Variants in ZBTB7C observed in about 807,000 individuals in gnomAD.
ZBTB7C encodes zinc finger and BTB domain-containing protein 7C.
Under a neutral mutation model 25.7 loss-of-function variants are expected in ZBTB7C, and 8 were observed. The observed-to-expected ratio is 0.31, with a 90% CI of 0.18 to 0.56. ZBTB7C has a LOEUF of 0.56. Among genes scored for constraint, ZBTB7C ranks in the 20% least tolerant of loss-of-function variants. The pLI, the probability that ZBTB7C is intolerant of heterozygous loss-of-function variation, is 0.91. For synonymous variants in ZBTB7C, 394 were observed against 369.0 expected (o/e 1.07, Z -0.78); for missense variants, 824 against 855.2 (o/e 0.96, Z 0.46).
At position 48,278,980 on chromosome 18, in the gene ZBTB7C, G is replaced by A. The variant is rs73433392; in HGVS notation, c.-79+59194C>T. ...TTTAATTCATCAATTGGAGAATCTT[G>A]CTGGAGACAGTGAAAATTAATTTGA... is the stretch of plus-strand genomic sequence containing the variant. On this transcript the variant is annotated intron_variant, in intron 2 of 4. Coordinates refer to ENST00000590800, the MANE Select transcript of ZBTB7C (RefSeq NM_001318841.2). Among the ~76,000 whole-genome samples the A allele has an allele frequency of 2.8e-3, 412 of 149,566 alleles. 2 individuals carry two copies. Among genetic ancestry groups the A allele is most frequent in the African/African-American group, 1.0e-2 (403 of 40,478 alleles).
At chr18:48,207,136 G>A (rs1422861223) in intron 2 of ZBTB7C, among the ~76,000 whole-genome samples, 1 of 152,258 alleles carries the variant, frequency 6.6e-6, no homozygotes, top group Non-Finnish European at 1.5e-5. Context: ...TAGCACTGAA[G>A]CAACCAGAAT....
intron 2 of ZBTB7C, among the ~76,000 whole-genome samples, chr18:48,187,657 C>T (rs2042090144): frequency 6.6e-6 from 1 of 151,916 alleles, no homozygotes; most frequent in African/African-American, 2.4e-5. Context: ...ACTAAAAATA[C>T]ACACACACAA....
intron 3 of ZBTB7C, among the ~76,000 whole-genome samples, chr18:48,048,746 C>G (rs55723861): frequency 0.089 from 13,475 of 152,160 alleles, 2,037 homozygotes; most frequent in African/African-American, 0.31. Flanking sequence ...TTGCAGAGAT[C>G]TACGCTATTG....
At chr18:48,399,449 C>T (rs2048108539) in intron 1 of ZBTB7C, among the ~76,000 whole-genome samples, 1 of 152,184 alleles carries the variant, frequency 6.6e-6, no homozygotes, top group Admixed American at 6.5e-5. Flanking sequence ...CATTTAAAAA[C>T]AGTTCAAGGC....
intron 3 of ZBTB7C, among the ~76,000 whole-genome samples, chr18:48,142,135 C>A (rs138849026): frequency 2.0e-5 from 3 of 152,248 alleles, no homozygotes; most frequent in Non-Finnish European, 4.4e-5. Context: ...GGCAACCCAG[C>A]CATTTGGAAC....
At chr18:48,185,278 C>G (rs1482716081) in intron 3 of ZBTB7C, 2 of 431,446 alleles carry the variant, frequency 4.6e-6, no homozygotes, top group Non-Finnish European at 9.2e-6. Flanking sequence ...TTTCCCATCC[C>G]CAGCATTTCT....
intron 3 of ZBTB7C, among the ~76,000 whole-genome samples, chr18:48,134,826 C>G (rs1013894189): frequency 1.3e-5 from 2 of 152,252 alleles, no homozygotes; most frequent in Non-Finnish European, 1.5e-5. Flanking sequence ...TCTTCGAAAC[C>G]CACAACTGTA....
intron 2 of ZBTB7C, among the ~76,000 whole-genome samples, chr18:48,194,494 A>G (rs1238017279): frequency 6.6e-6 from 1 of 152,220 alleles, no homozygotes; most frequent in Non-Finnish European, 1.5e-5. Context: ...AACTAAGTGC[A>G]GCAAGGTGAT....
chr18:48,368,440 T>C (rs1204722977), intron 1 of ZBTB7C, among the ~76,000 whole-genome samples: 1 of 152,060 alleles, frequency 6.6e-6, no homozygotes, highest in East Asian at 1.9e-4. Flanking sequence ...AATAAAAGCC[T>C]CAGGGACCTG....
intron 1 of ZBTB7C, among the ~76,000 whole-genome samples, chr18:48,405,500 C>A (rs1238674312): frequency 2.6e-5 from 4 of 152,202 alleles, no homozygotes; most frequent in Non-Finnish European, 4.4e-5. Flanking sequence ...CTGGGGTGTA[C>A]CTCACTTTGT....
chr18:48,360,169 T>C (rs2047070218), intron 1 of ZBTB7C, among the ~76,000 whole-genome samples: 1 of 152,234 alleles, frequency 6.6e-6, no homozygotes, highest in East Asian at 1.9e-4. Context: ...AGCACTGGAA[T>C]ACTACAACAA....
chr18:48,388,000 T>G (rs1457371841), intron 1 of ZBTB7C, among the ~76,000 whole-genome samples: 10 of 152,140 alleles, frequency 6.6e-5, no homozygotes, highest in Non-Finnish European at 1.5e-4. Context: ...CTAATTTTTG[T>G]AGTTTTTGTA....
At chr18:48,359,691 CT>C (rs961631338) in intron 1 of ZBTB7C, among the ~76,000 whole-genome samples, 6 of 152,186 alleles carry the variant, frequency 3.9e-5, no homozygotes, top group African/African-American at 1.4e-4. Flanking sequence ...ACAGGCTGTC[CT>C]TTTCCTTTTG....
intron 3 of ZBTB7C, among the ~76,000 whole-genome samples, chr18:48,105,748 G>C (rs536305058): frequency 2.0e-5 from 3 of 152,248 alleles, no homozygotes; most frequent in African/African-American, 7.2e-5. Flanking sequence ...GCCCTGCCTG[G>C]TGTGTAGAAT....
intron 3 of ZBTB7C, among the ~76,000 whole-genome samples, chr18:48,044,922 G>A (rs556705131): frequency 1.6e-4 from 24 of 152,244 alleles, no homozygotes; most frequent in Non-Finnish European, 2.6e-4. Context: ...AAGCCACTAA[G>A]AGCTGATACA....
intron 3 of ZBTB7C, among the ~76,000 whole-genome samples, chr18:48,162,179 G>T: frequency 6.6e-6 from 1 of 152,222 alleles, no homozygotes; most frequent in East Asian, 1.9e-4. Flanking sequence ...AGTGCCAGCT[G>T]CAGGCGTCCC....
At chr18:48,362,101 C>T (rs1175402509) in intron 1 of ZBTB7C, among the ~76,000 whole-genome samples, 1 of 152,206 alleles carries the variant, frequency 6.6e-6, no homozygotes, top group Admixed American at 6.5e-5. Flanking sequence ...GGAACTCCAG[C>T]CCCAAGTGTG....
At chr18:48,289,193 T>C (rs2045145481) in intron 2 of ZBTB7C, among the ~76,000 whole-genome samples, 1 of 152,140 alleles carries the variant, frequency 6.6e-6, no homozygotes, top group African/African-American at 2.4e-5. Context: ...AATTGGACAA[T>C]ATCAAACTAA....
Position 48,095,573 on chromosome 18 carries a change from G to T in ZBTB7C, c.-16-54450C>A, listed in dbSNP as rs191906034. 1.8e-3 allele frequency among the ~76,000 whole-genome samples: 279 copies of T among 152,144 alleles called. 2 individuals carry two copies. The highest frequency in any genetic ancestry group is 5.2e-3 in the African/African-American group (214 of 41,502). ...ATAAAAATACAAAAATTAGCCAGGGGTGGTGGCACACCCTTGTCATCCTAG... is the reference window on the plus strand; with the variant it reads ...ATAAAAATACAAAAATTAGCCAGGGTTGGTGGCACACCCTTGTCATCCTAG... On this transcript the variant is annotated intron_variant, in intron 3 of 4. Transcript: ENST00000590800.
Sources: gnomAD v4.1 joint callset for allele counts (sites outside exome capture counted in the v4.1 genomes callset) on GRCh38, gnomAD v4.1.1 for gene constraint, MANE v1.5 for transcripts, NCBI Gene and HGNC (gene_info 2026-07-23, HGNC 2026-07-21) for gene names.